The following AASDH variants were observed in gnomAD, a reference collection of about 807,000 sequenced individuals.
AASDH encodes the protein aminoadipate-semialdehyde dehydrogenase.
AASDH carries 81 observed loss-of-function variants against 102.3 expected under a neutral mutation model. The ratio of observed to expected loss-of-function variants is 0.79; its 90% CI spans 0.66 to 0.95. The LOEUF is 0.95. Among genes scored for constraint, AASDH ranks in the 40% least tolerant of loss-of-function variants. AASDH has a pLI of 0.00. For synonymous variants in AASDH, 398 were observed against 454.0 expected, an observed-to-expected ratio of 0.88 and a Z score of 1.57; for missense variants, 1,203 against 1,266.2, an observed-to-expected ratio of 0.95 and a Z score of 0.76.
chr4:56,384,985 A>G (rs1186562169), intron 1 of AASDH, among the ~76,000 whole-genome samples: 1 of 152,204 alleles, frequency 6.6e-6, no homozygotes, highest in Non-Finnish European at 1.5e-5. Flanking sequence ...GAGGCAGGCG[A>G]ATCACTTGAA....
rs776986545 is a variant in AASDH, at chr4:56,349,888, C to G, written c.1863G>C (p.Glu621Asp). 10 of 1,614,098 alleles carry G rather than the reference C, an allele frequency of 6.2e-6. No individual in the cohort carries two copies. The highest frequency in any genetic ancestry group is 8.5e-6 in the Non-Finnish European group (10 of 1,180,020). The change falls in exon 11 of 15, where the codon GAG becomes GAC. Residue 621 changes from glutamate (E) to aspartate (D), a missense_variant. Transcript: ENST00000205214. The part of the protein sequence containing the change: ...LEIILSSSIL[E>D]IYNHILQTVV... Reference sequence around the variant, plus strand: ...CTGTTTGAAGGATGTGATTATAAATCTCTAAAATGGAACTGCTGAGAATAA... The same window carrying G: ...CTGTTTGAAGGATGTGATTATAAATGTCTAAAATGGAACTGCTGAGAATAA...
chr4:56,338,817 T>C (rs759089734), intron 14 of AASDH, 26 bp from the exon 15 acceptor site: 2 of 1,590,202 alleles, frequency 1.3e-6, no homozygotes, highest in Non-Finnish European at 1.7e-6. Flanking sequence ...AAAATAAATA[T>C]AATTCATTCA....
chr4:56,359,535 G>T (rs115597178), intron 5 of AASDH, among the ~76,000 whole-genome samples: 1 of 151,896 alleles, frequency 6.6e-6, no homozygotes, highest in South Asian at 2.1e-4. Context: ...GAGTATAGGC[G>T]TGAGTCACCT....
At position 56,384,111 on chromosome 4, in the gene AASDH, G is replaced by C; in HGVS notation, c.189C>G (p.Leu63=). The C allele has an allele frequency of 6.2e-7, 1 of 1,614,162 alleles. No individual in the cohort carries two copies. Among genetic ancestry groups the C allele is most frequent in the Non-Finnish European group, 8.5e-7 (1 of 1,180,022 alleles). The change falls in exon 2 of 15, where the codon CTC becomes CTG. Residue 63 remains leucine, a synonymous_variant. Transcript: ENST00000205214. ...GTAAGTCTATCCCAGGTTGGCAGTAGAGACCAATTTCCCGAATTCCTTGAA... is the reference window on the plus strand; with the variant it reads ...GTAAGTCTATCCCAGGTTGGCAGTACAGACCAATTTCCCGAATTCCTTGAA... ...CDFQGIREIG[L]YCQPGIDLPS...
rs1445676609 is a variant in AASDH, at chr4:56,359,345, C to CCTCCT, written c.862-3923_862-3922insAGGAG. On this transcript the variant is annotated intron_variant, in intron 5 of 14. Transcript: ENST00000205214. ...CATCCGCCTCCTGCCTCCTGCCTCC[C>CCTCCT]GCCTCCCGAGTTCAAGTGATTCTCC... Among the ~76,000 whole-genome samples, 4 of 131,472 alleles carry CCTCCT rather than the reference C, an allele frequency of 3.0e-5. No individual in the cohort carries two copies. The East Asian group carries it at 6.8e-4, about 23-fold the overall frequency. 86.3% of individuals were successfully genotyped at this position (131,472 alleles called of 152,430 possible).
At chr4:56,376,126 C>T (rs1752313779) in intron 4 of AASDH, among the ~76,000 whole-genome samples, 1 of 147,744 alleles carries the variant, frequency 6.8e-6, no homozygotes, top group Admixed American at 6.9e-5. Context: ...TGGGCTAAAT[C>T]AATCCTTCCG....
At chr4:56,363,195 G>T (rs187669388) in intron 5 of AASDH, among the ~76,000 whole-genome samples, 2 of 152,204 alleles carry the variant, frequency 1.3e-5, no homozygotes, top group African/African-American at 4.8e-5. Context: ...CACCATCGCC[G>T]AGGCTTGAGT....
At chr4:56,376,019 CTTTTTTTTTTTT>C (rs67950154) in intron 4 of AASDH, among the ~76,000 whole-genome samples, 2 of 106,746 alleles carry the variant, frequency 1.9e-5, no homozygotes, top group Non-Finnish European at 3.6e-5. Context: ...AACCGCTCAT[CTTTTTTTTTTTT>C]TTTTTTTTTT....
At chr4:56,384,442 A>G (rs1753319061) in intron 1 of AASDH, 101 bp from the exon 2 acceptor site, 1 of 603,318 alleles carries the variant, frequency 1.7e-6, no homozygotes, top group Non-Finnish European at 2.9e-6. Flanking sequence ...AAAAATAATT[A>G]TATCAAAGAT....
At chr4:56,342,016 G>T (rs1400402741) in intron 14 of AASDH, among the ~76,000 whole-genome samples, 3 of 150,524 alleles carry the variant, frequency 2.0e-5, no homozygotes, top group African/African-American at 7.3e-5. Context: ...GGAGGCTGAA[G>T]CAGGAGAATT....
chr4:56,368,215 A>T (rs532820447), intron 5 of AASDH, among the ~76,000 whole-genome samples: 15 of 152,298 alleles, frequency 9.8e-5, no homozygotes, highest in African/African-American at 3.6e-4. Context: ...AAAGTCAGGA[A>T]ACAACAGGTG....
rs769936885 is a variant in AASDH, at chr4:56,384,069, C to T, written c.230+1G>A. The T allele has an allele frequency of 3.1e-6, 5 of 1,609,956 alleles. No individual in the cohort carries two copies. The African/African-American group carries it at 6.7e-5, about 22-fold the overall frequency. On this transcript the variant is annotated splice_donor_variant, in intron 2 of 14. Transcript: ENST00000205214. LOFTEE classifies it high-confidence loss of function. ...AAATTTACAGTTCTAAAAAATATTA[C>T]CCTAAAATCCAAGAGGGTAAGTCTA... is the stretch of plus-strand genomic sequence containing the variant.
chr4:56,363,504 G>A (rs1391248705), intron 5 of AASDH, among the ~76,000 whole-genome samples: 1 of 152,176 alleles, frequency 6.6e-6, no homozygotes, highest in African/African-American at 2.4e-5. Context: ...CACACGGCTG[G>A]GTACTCCTCT....
chr4:56,353,146 G>A (rs961040947), intron 9 of AASDH, among the ~76,000 whole-genome samples: 1 of 151,882 alleles, frequency 6.6e-6, no homozygotes, highest in Non-Finnish European at 1.5e-5. Flanking sequence ...AACTACAGGC[G>A]CTGACCACCA....
chr4:56,354,002 A>G (rs767155637), intron 8 of AASDH, 37 bp downstream of exon 8: 1 of 1,536,314 alleles, frequency 6.5e-7, no homozygotes, highest in South Asian at 1.3e-5. Context: ...TACTACTTAC[A>G]TATATTAATA....
At chr4:56,360,526 T>A (rs945672049) in intron 5 of AASDH, among the ~76,000 whole-genome samples, 1 of 152,254 alleles carries the variant, frequency 6.6e-6, no homozygotes, top group Non-Finnish European at 1.5e-5. Context: ...GAAGTTCCAC[T>A]ATTTTTACAC....
At chr4:56,350,749 T>C (rs1748901253) in intron 10 of AASDH, among the ~76,000 whole-genome samples, 1 of 152,042 alleles carries the variant, frequency 6.6e-6, no homozygotes, top group African/African-American at 2.4e-5. Context: ...AAAATTACTT[T>C]CCAAGAATCT....
chr4:56,356,746 C>T (rs1749685165), intron 5 of AASDH: 2 of 720,972 alleles, frequency 2.8e-6, no homozygotes, highest in Non-Finnish European at 5.1e-6. Context: ...CGCCTTCACA[C>T]AGGTTAACTT....
In AASDH at chr4:56,378,456, T is replaced by C. The variant is rs1433310342; in HGVS notation, c.360A>G (p.Lys120=). Residue 120 remains lysine, a synonymous_variant, in exon 4 of 15, where the codon AAA becomes AAG. Coordinates refer to ENST00000205214, the MANE Select transcript of AASDH (RefSeq NM_181806.4). ...AGTTCAATAATGTTTCATGAAAAGA[T>C]TTAAATTTCTGTGTGAAATGGGGGA... is the stretch of plus-strand genomic sequence containing the variant. ...LVEKKQINKF[K]SFHETLLNYD... is the part of the protein sequence containing the mutation. The C allele has an allele frequency of 6.3e-7, 1 of 1,592,892 alleles. No individual in the cohort carries two copies. Among genetic ancestry groups the C allele is most frequent in the East Asian group, 2.2e-5 (1 of 44,738 alleles).
Sources: allele counts gnomAD v4.1 joint callset (sites outside exome capture counted in the v4.1 genomes callset), GRCh38; gene constraint gnomAD v4.1.1; transcripts MANE v1.5; gene names NCBI Gene and HGNC (gene_info 2026-07-23, HGNC 2026-07-21).